KIF21A: variants seen among roughly 807,000 people sequenced by gnomAD.
KIF21A encodes kinesin-like protein KIF21A.
KIF21A carries 114 observed loss-of-function variants against 202.9 expected under a neutral mutation model. The observed-to-expected ratio is 0.56, with a 90% CI of 0.48 to 0.66. KIF21A has a LOEUF of 0.66. KIF21A is among the 30% of genes least tolerant of loss of function. The pLI, the probability that KIF21A is intolerant of heterozygous loss-of-function variation, is 0.00. For synonymous variants in KIF21A, 667 were observed against 670.8 expected, an observed-to-expected ratio of 0.99 and a Z score of 0.09; for missense variants, 1,677 against 1,994.9, an observed-to-expected ratio of 0.84 and a Z score of 3.04.
Position 39,309,585 on chromosome 12 carries a change from C to A in KIF21A, c.4277+1G>T. On this transcript the variant is annotated splice_donor_variant, in intron 33 of 37. Coordinates refer to ENST00000361418, the MANE Select transcript of KIF21A (RefSeq NM_001173464.2). LOFTEE classifies it high-confidence loss of function. The stretch of plus-strand genomic sequence containing the variant: ...ATGCTATATGTCTTCAAGTTACTTA[C>A]GTTAGTGTTCGAATGCACTTTGCTG... 1 of 1,602,484 alleles carries A rather than the reference C, an allele frequency of 6.2e-7. No individual in the cohort carries two copies. Among genetic ancestry groups the A allele is most frequent in the Non-Finnish European group, 8.5e-7 (1 of 1,173,614 alleles).
chr12:39,398,862 G>A (rs1951954113), intron 1 of KIF21A, among the ~76,000 whole-genome samples: 1 of 151,534 alleles, frequency 6.6e-6, no homozygotes, highest in African/African-American at 2.4e-5. Flanking sequence ...AACCAACCAA[G>A]GATCAAAAAT....
intron 26 of KIF21A, among the ~76,000 whole-genome samples, chr12:39,325,237 T>C (rs1945733464): frequency 6.6e-6 from 1 of 152,148 alleles, no homozygotes; most frequent in African/African-American, 2.4e-5. Flanking sequence ...AGTCTACAAT[T>C]TAGTTAATCA....
intron 1 of KIF21A, among the ~76,000 whole-genome samples, chr12:39,391,912 G>A (rs916914584): frequency 2.0e-5 from 3 of 151,960 alleles, no homozygotes; most frequent in South Asian, 2.1e-4. Context: ...CTAATTTTTT[G>A]TATTTTTAGT....
chr12:39,351,183 T>C (rs1245280658), intron 11 of KIF21A, among the ~76,000 whole-genome samples: 5 of 152,056 alleles, frequency 3.3e-5, no homozygotes, highest in African/African-American at 1.2e-4. Flanking sequence ...AGTATCAGGA[T>C]GCAAAGAAGA....
At chr12:39,310,495 T>C (rs1340206062) in intron 32 of KIF21A, among the ~76,000 whole-genome samples, 17 of 152,080 alleles carry the variant, frequency 1.1e-4, no homozygotes, top group Non-Finnish European at 2.9e-5. Context: ...ACTAGCTCCC[T>C]GAATTCCTGT....
At position 39,294,533 on chromosome 12, in the gene KIF21A, C is replaced by G. The variant is rs1356931681; in HGVS notation, c.4932-16G>C. The G allele has an allele frequency of 6.3e-7, 1 of 1,585,052 alleles. No individual in the cohort carries two copies. ...AGTTCGATCACTACAAAAAAATAAACAAAACATGGATATATGAACAAGGGC... is the reference window on the plus strand; with the variant it reads ...AGTTCGATCACTACAAAAAAATAAAGAAAACATGGATATATGAACAAGGGC... On this transcript the variant is annotated splice_polypyrimidine_tract_variant and intron_variant, in intron 37 of 37. Transcript: ENST00000361418.
intron 1 of KIF21A, among the ~76,000 whole-genome samples, chr12:39,406,963 TC>T (rs1952641476): frequency 6.6e-6 from 1 of 152,184 alleles, no homozygotes; most frequent in South Asian, 2.1e-4. Flanking sequence ...AACTTCATCT[TC>T]CCACTCCAAA....
intron 1 of KIF21A, among the ~76,000 whole-genome samples, chr12:39,413,664 G>A (rs567519164): frequency 6.3e-4 from 96 of 152,264 alleles, no homozygotes; most frequent in African/African-American, 2.3e-3. Context: ...AGTGACTAAT[G>A]CCTGTAACCC....
chr12:39,435,673 C>T (rs1455471229), intron 1 of KIF21A, among the ~76,000 whole-genome samples: 1 of 152,030 alleles, frequency 6.6e-6, no homozygotes, highest in Non-Finnish European at 1.5e-5. Flanking sequence ...CACCCCCACC[C>T]CACACTCCAG....
chr12:39,407,154 C>G (rs925363496), intron 1 of KIF21A, among the ~76,000 whole-genome samples: 8 of 152,220 alleles, frequency 5.3e-5, no homozygotes, highest in African/African-American at 1.9e-4. Flanking sequence ...CCCAGTAGAT[C>G]ATTCTCAGCA....
In KIF21A at chr12:39,381,306, CAA is replaced by C. The variant is rs542073175; in HGVS notation, c.45-11047_45-11046del. On this transcript the variant is annotated intron_variant, in intron 1 of 37. Transcript: ENST00000361418. ...TGGGCAACTGAGCGAGACTCTGTCTCAAAAAAAAAAAAAAAAAAACTATTTCA... is the reference window on the plus strand; with the variant it reads ...TGGGCAACTGAGCGAGACTCTGTCTCAAAAAAAAAAAAAAAAACTATTTCA... Among the ~76,000 whole-genome samples, 580 of 64,868 alleles carry C rather than the reference CAA, an allele frequency of 8.9e-3. 3 individuals carry two copies. The highest frequency in any genetic ancestry group is 0.026 in the African/African-American group (512 of 19,644). 42.6% of individuals were successfully genotyped at this position (64,868 alleles called of 152,430 possible). A position where few individuals can be genotyped will look rare whatever the true frequency, so the allele number is the denominator to read the frequency against.
intron 16 of KIF21A, among the ~76,000 whole-genome samples, chr12:39,338,029 T>C (rs1476444393): frequency 1.3e-5 from 2 of 152,072 alleles, no homozygotes; most frequent in Non-Finnish European, 2.9e-5. Context: ...AAAAAAAAAG[T>C]TAACTATAAA....
At chr12:39,380,445 A>T (rs1360783823) in intron 1 of KIF21A, among the ~76,000 whole-genome samples, 1 of 152,268 alleles carries the variant, frequency 6.6e-6, no homozygotes, top group African/African-American at 2.4e-5. Flanking sequence ...TGGTTGTTAA[A>T]TATGTAACAA....
Position 39,307,622 on chromosome 12 carries a change from G to T in KIF21A, c.4385C>A (p.Thr1462Asn). 6.2e-7 allele frequency: 1 copy of T among 1,614,158 alleles called. No homozygotes were observed. Among genetic ancestry groups the T allele is most frequent in the East Asian group, 2.2e-5 (1 of 44,862 alleles). ...NQINQIALNP[T>N]GTFLYAASGN... The stretch of plus-strand genomic sequence containing the variant: ...AGAAGCAGCATAGAGGAAGGTGCCA[G>T]TTGGGTTTAGGGCAATTTGATTGAT... The change falls in exon 34 of 38, where the codon ACT (threonine) becomes AAT (asparagine). Residue 1462 changes from threonine (T) to asparagine (N), a missense_variant. By Grantham distance (65) the Thr-to-Asn change is moderately conservative. Coordinates refer to ENST00000361418, the MANE Select transcript of KIF21A (RefSeq NM_001173464.2).
intron 31 of KIF21A, chr12:39,312,949 A>C (rs2137421519): frequency 6.6e-6 from 1 of 152,068 alleles, no homozygotes. Flanking sequence ...TCCATTATGT[A>C]AGACAAATGG....
At chr12:39,428,623 T>C (rs1954945532) in intron 1 of KIF21A, among the ~76,000 whole-genome samples, 2 of 152,220 alleles carry the variant, frequency 1.3e-5, no homozygotes, top group Non-Finnish European at 2.9e-5. Flanking sequence ...ATTAATCAAA[T>C]GTCTTTGCTA....
chr12:39,439,146 G>A (rs544006946), intron 1 of KIF21A, among the ~76,000 whole-genome samples: 13 of 152,144 alleles, frequency 8.5e-5, no homozygotes, highest in East Asian at 7.7e-4. Flanking sequence ...ACTTGTGTGC[G>A]TACATGCATA....
At chr12:39,439,622 A>G (rs1464101267) in intron 1 of KIF21A, among the ~76,000 whole-genome samples, 2 of 152,190 alleles carry the variant, frequency 1.3e-5, no homozygotes, top group Non-Finnish European at 2.9e-5. Flanking sequence ...ATTTTAACTC[A>G]TTTAAATTAA....
At chr12:39,321,803 A>G (rs1401438967) in intron 27 of KIF21A, 2 of 152,242 alleles carry the variant, frequency 1.3e-5, no homozygotes, top group Admixed American at 1.3e-4. Flanking sequence ...GCAGAGATGT[A>G]TTCATTCCAT....
Sources: allele counts gnomAD v4.1 joint callset (sites outside exome capture counted in the v4.1 genomes callset), GRCh38; gene constraint gnomAD v4.1.1; transcripts MANE v1.5; gene names NCBI Gene and HGNC (gene_info 2026-07-23, HGNC 2026-07-21).